MYO10: variants seen among roughly 807,000 people sequenced by gnomAD.
The protein encoded by MYO10 is unconventional myosin-X.
MYO10 carries 133 observed loss-of-function variants against 257.3 expected under a neutral mutation model. The observed-to-expected ratio is 0.52, with a 90% CI of 0.45 to 0.60. The LOEUF (loss-of-function observed/expected upper bound fraction) is 0.60. MYO10 is among the 20% of genes least tolerant of loss of function. MYO10 has a pLI of 0.00. For missense variants in MYO10, 2,399 were observed against 2,635.7 expected, an observed-to-expected ratio of 0.91 and a Z score of 1.97; for synonymous variants, 1,104 against 1,028.6, an observed-to-expected ratio of 1.07 and a Z score of -1.40.
Position 16,823,467 on chromosome 5 carries a change from G to GGGTTTTTTTTTTTTTTTT in MYO10, c.121-5301_121-5300insAAAAAAAAAAAAAAAACC, listed in dbSNP as rs1561003861. On this transcript the variant is annotated intron_variant, in intron 2 of 40. Coordinates refer to ENST00000513610, the MANE Select transcript of MYO10 (RefSeq NM_012334.3). ...CTTGCGCGGGGGGGGGGGGAGTGGG[G>GGGTTTTTTTTTTTTTTTT]ATTTTTTTTTTTTTTTTTTTGTGAG... Among the ~76,000 whole-genome samples, 3 of 3,978 alleles carry GGGTTTTTTTTTTTTTTTT rather than the reference G, an allele frequency of 7.5e-4. 1 individual carries two copies. Among genetic ancestry groups the GGGTTTTTTTTTTTTTTTT allele is most frequent in the African/African-American group, 2.9e-3 (3 of 1,024 alleles). 2.6% of individuals were successfully genotyped at this position (3,978 alleles called of 152,430 possible). A position where few individuals can be genotyped will look rare whatever the true frequency, so the allele number is the denominator to read the frequency against.
At chr5:16,819,017 A>C (rs1350863821) in intron 2 of MYO10, among the ~76,000 whole-genome samples, 1 of 152,190 alleles carries the variant, frequency 6.6e-6, no homozygotes, top group Non-Finnish European at 1.5e-5. Flanking sequence ...TATTAATTTA[A>C]GTACTTTAAA....
chr5:16,800,516 G>A (rs1165843082), intron 3 of MYO10, among the ~76,000 whole-genome samples: 5 of 152,178 alleles, frequency 3.3e-5, no homozygotes, highest in South Asian at 2.1e-4. Flanking sequence ...GCATGTGCTC[G>A]TGGGTTCTTT....
chr5:16,766,347 G>C (rs1740866208), intron 10 of MYO10, 149 bp from the exon 11 acceptor site: 1 of 655,436 alleles, frequency 1.5e-6, no homozygotes, highest in Non-Finnish European at 2.7e-6. Flanking sequence ...TTCCCTTAGT[G>C]AATCCTAGAT....
chr5:16,780,760 G>GGCAAGTC lies in MYO10; in HGVS notation c.728-26_728-20dup. 6.4e-7 allele frequency: 1 copy of GGCAAGTC among 1,567,508 alleles called. No individual in the cohort carries two copies. The highest frequency in any genetic ancestry group is 8.7e-7 in the Non-Finnish European group (1 of 1,154,754). On this transcript the variant is annotated intron_variant, in intron 6 of 40. Coordinates refer to ENST00000513610, the MANE Select transcript of MYO10 (RefSeq NM_012334.3). Reference sequence around the variant, plus strand: ...AATAAATCTTCATGTGAAAAGCAATGGCAAGTCAAGGAAAAAAACAAAGCT... The same window carrying GGCAAGTC: ...AATAAATCTTCATGTGAAAAGCAATGGCAAGTCGCAAGTCAAGGAAAAAAACAAAGCT...
At chr5:16,844,718 G>A (rs530498516) in intron 2 of MYO10, among the ~76,000 whole-genome samples, 15 of 152,058 alleles carry the variant, frequency 9.9e-5, no homozygotes, top group African/African-American at 3.6e-4. Flanking sequence ...AGAATTAGCT[G>A]AAAGTTACAG....
intron 3 of MYO10, among the ~76,000 whole-genome samples, chr5:16,805,458 C>CAAAAAAAAAAA (rs36126574): frequency 1.1e-4 from 9 of 78,336 alleles, no homozygotes; most frequent in African/African-American, 3.5e-4. Flanking sequence ...GACTCCATCT[C>CAAAAAAAAAAA]AAAAAAAAAA....
At chr5:16,829,523 C>T (rs547082675) in intron 2 of MYO10, among the ~76,000 whole-genome samples, 3 of 152,298 alleles carry the variant, frequency 2.0e-5, no homozygotes, top group South Asian at 4.1e-4. Flanking sequence ...GTACACAAAT[C>T]GCGCACCCCC....
intron 26 of MYO10, among the ~76,000 whole-genome samples, chr5:16,696,112 G>A (rs758251129): frequency 2.0e-5 from 3 of 152,172 alleles, no homozygotes; most frequent in Non-Finnish European, 4.4e-5. Flanking sequence ...TCAAAGATTA[G>A]AAGAGTCATC....
chr5:16,798,011 T>G (rs760973231), intron 3 of MYO10, among the ~76,000 whole-genome samples: 12 of 152,206 alleles, frequency 7.9e-5, no homozygotes, highest in Non-Finnish European at 1.8e-4. Flanking sequence ...AGGAGTGAGT[T>G]AGTTATTGCA....
At chr5:16,838,320 T>C (rs190495650) in intron 2 of MYO10, among the ~76,000 whole-genome samples, 2 of 152,256 alleles carry the variant, frequency 1.3e-5, no homozygotes, top group African/African-American at 4.8e-5. Flanking sequence ...AGTGAACAAA[T>C]GAATGAAAAG....
chr5:16,703,860 G>A (rs182656317), intron 22 of MYO10, among the ~76,000 whole-genome samples: 2 of 130,448 alleles, frequency 1.5e-5, no homozygotes, highest in East Asian at 2.3e-4. Context: ...CCAGCCAGAC[G>A]AGCGAGCGAG....
intron 1 of MYO10, among the ~76,000 whole-genome samples, chr5:16,881,265 T>C (rs532265027): frequency 1.3e-5 from 2 of 152,358 alleles, no homozygotes; most frequent in East Asian, 3.9e-4. Flanking sequence ...GTCAGCAGGA[T>C]TAATATGTAC....
chr5:16,760,021 T>G (rs1385261277), intron 17 of MYO10, among the ~76,000 whole-genome samples: 2 of 149,834 alleles, frequency 1.3e-5, no homozygotes, highest in Non-Finnish European at 3.0e-5. Flanking sequence ...GCTTTTAAAC[T>G]TTTTTGCTAC....
At chr5:16,905,236 G>A (rs1027764762) in intron 1 of MYO10, among the ~76,000 whole-genome samples, 3 of 152,172 alleles carry the variant, frequency 2.0e-5, no homozygotes, top group Non-Finnish European at 4.4e-5. Context: ...GCACCTCCAA[G>A]AATGGACTCG....
At chr5:16,756,225 G>A (rs1030500884) in intron 18 of MYO10, among the ~76,000 whole-genome samples, 4 of 151,894 alleles carry the variant, frequency 2.6e-5, no homozygotes, top group African/African-American at 7.3e-5. Context: ...AGGGCATGCC[G>A]AATAACTTTT....
intron 3 of MYO10, among the ~76,000 whole-genome samples, chr5:16,802,343 A>AC (rs1211432678): frequency 6.6e-6 from 1 of 150,746 alleles, no homozygotes; most frequent in Non-Finnish European, 1.5e-5. Context: ...CCAAAATAAA[A>AC]TTTTTTTTTT....
chr5:16,685,870 C>T, intron 28 of MYO10, 39 bp from the exon 29 acceptor site: 1 of 1,508,724 alleles, frequency 6.6e-7, no homozygotes. Flanking sequence ...GAGAGGCCAA[C>T]CTCGTACTGG....
intron 29 of MYO10, 23 bp downstream of exon 29, chr5:16,685,715 C>CCA: frequency 1.3e-6 from 2 of 1,551,904 alleles, no homozygotes; most frequent in Non-Finnish European, 8.8e-7. Context: ...GCCCCACCCC[C>CCA]ATCCCACACA....
intron 1 of MYO10, among the ~76,000 whole-genome samples, chr5:16,928,171 T>C (rs1471974943): frequency 6.6e-6 from 1 of 152,150 alleles, no homozygotes; most frequent in Non-Finnish European, 1.5e-5. Context: ...AATCATCTTG[T>C]TTTCTAAGTG....
Sources: allele counts gnomAD v4.1 joint callset (sites outside exome capture counted in the v4.1 genomes callset), GRCh38; gene constraint gnomAD v4.1.1; transcripts MANE v1.5; gene names NCBI Gene and HGNC (gene_info 2026-07-23, HGNC 2026-07-21).